The following NAALADL2 variants were observed in gnomAD, a reference collection of about 807,000 sequenced individuals.
NAALADL2 encodes inactive N-acetylated-alpha-linked acidic dipeptidase-like protein 2.
A neutral mutation model predicts 87.2 loss-of-function variants in NAALADL2; 76 were observed. The observed-to-expected ratio is 0.87, with a 90% confidence interval of 0.72 to 1.05. NAALADL2 has a LOEUF of 1.05. Ranked by LOEUF, NAALADL2 falls within the 50% of genes least tolerant of loss-of-function variation. The probability of loss-of-function intolerance (pLI) is 0.00; values close to 1 mark genes in which losing one functional copy is unlikely to be tolerated. For missense variants in NAALADL2, 1,089 were observed against 945.8 expected (o/e 1.15, Z -1.99); for synonymous variants, 354 against 331.0 (o/e 1.07, Z -0.75).
At chr3:175,403,731 A>C (rs2149067558) in intron 5 of NAALADL2, among the ~76,000 whole-genome samples, 1 of 152,248 alleles carries the variant, frequency 6.6e-6, no homozygotes, top group South Asian at 2.1e-4. Flanking sequence ...AGAGAAGAAT[A>C]ATTTTTAAGG....
chr3:175,718,606 G>A (rs112257318), intron 11 of NAALADL2: 24 of 1,593,818 alleles, frequency 1.5e-5, no homozygotes, highest in African/African-American at 9.4e-5. Context: ...GGCCTTCTTC[G>A]AGTTTTTCCA....
At chr3:174,640,790 G>T (rs1175188570) in intron 2 of NAALADL2, among the ~76,000 whole-genome samples, 3 of 152,226 alleles carry the variant, frequency 2.0e-5, no homozygotes, top group African/African-American at 7.2e-5. Flanking sequence ...GGCATTGCTT[G>T]CTGCTAGGGG....
At chr3:175,106,459 A>G (rs1441797393) in intron 2 of NAALADL2, among the ~76,000 whole-genome samples, 1 of 152,088 alleles carries the variant, frequency 6.6e-6, no homozygotes, top group Non-Finnish European at 1.5e-5. Context: ...ATTGACTATA[A>G]TATGCTTTTC....
At chr3:175,383,444 C>T (rs1271091747) in intron 5 of NAALADL2, among the ~76,000 whole-genome samples, 2 of 151,930 alleles carry the variant, frequency 1.3e-5, no homozygotes, top group African/African-American at 2.4e-5. Flanking sequence ...CATTCAAAGC[C>T]TACTCCTTAA....
chr3:174,833,078 T>C (rs1722918661), intron 3 of NAALADL2, among the ~76,000 whole-genome samples: 1 of 152,204 alleles, frequency 6.6e-6, no homozygotes, highest in African/African-American at 2.4e-5. Context: ...TAGTATTAAC[T>C]TTTAAATACT....
At chr3:174,611,107 A>T (rs610482) in intron 2 of NAALADL2, among the ~76,000 whole-genome samples, 98,764 of 149,532 alleles carry the variant, frequency 0.66, 33,656 homozygotes, top group East Asian at 0.87. Flanking sequence ...TAGGTGGGAA[A>T]TGAACAGTGA....
chr3:174,651,967 A>G (rs967116787), intron 2 of NAALADL2, among the ~76,000 whole-genome samples: 5 of 152,198 alleles, frequency 3.3e-5, no homozygotes, highest in Non-Finnish European at 7.3e-5. Flanking sequence ...CCAGCACACT[A>G]GAAGCTTGTC....
chr3:175,152,048 G>GT (rs1192855195), intron 2 of NAALADL2, among the ~76,000 whole-genome samples: 1 of 152,102 alleles, frequency 6.6e-6, no homozygotes, highest in Non-Finnish European at 1.5e-5. Context: ...TTTAATAGCT[G>GT]TTATCAACTG....
intron 9 of NAALADL2, among the ~76,000 whole-genome samples, chr3:175,477,398 A>G (rs910373106): frequency 2.0e-5 from 3 of 152,248 alleles, no homozygotes; most frequent in African/African-American, 7.2e-5. Flanking sequence ...TAGCATATTA[A>G]TTTCCCAAAG....
At chr3:175,755,535 G>T (rs1043360564) in intron 13 of NAALADL2, 117 bp downstream of exon 13, 1 of 692,094 alleles carries the variant, frequency 1.4e-6, no homozygotes, top group Non-Finnish European at 2.1e-6. Flanking sequence ...TTATAAAGCA[G>T]TTACTCATTT....
intron 1 of NAALADL2, among the ~76,000 whole-genome samples, chr3:174,498,897 A>G (rs1253495363): frequency 6.6e-6 from 1 of 151,968 alleles, no homozygotes; most frequent in Non-Finnish European, 1.5e-5. Context: ...GTCCACCCTT[A>G]TCCTCACTTT....
chr3:174,980,232 CAG>C (rs1744934152), intron 1 of NAALADL2, among the ~76,000 whole-genome samples: 1 of 152,168 alleles, frequency 6.6e-6, no homozygotes, highest in Admixed American at 6.5e-5. Context: ...TTTTTGAAGG[CAG>C]AGACTATTTT....
At chr3:175,477,876 T>C (rs1159315363) in intron 9 of NAALADL2, among the ~76,000 whole-genome samples, 1 of 152,086 alleles carries the variant, frequency 6.6e-6, no homozygotes, top group Non-Finnish European at 1.5e-5. Flanking sequence ...ACTCTTTTTT[T>C]GGTTACTTGC....
chr3:175,424,101 G>T lies in NAALADL2; in HGVS notation c.1091-23128G>T, dbSNP rs1463267495. Among the ~76,000 whole-genome samples the T allele has an allele frequency of 2.1e-4, 32 of 152,170 alleles. No homozygotes were observed. In the East Asian group the frequency reaches 4.4e-3, roughly 21 times the overall value. The stretch of plus-strand genomic sequence containing the variant: ...GTCTGTTCATATCCTTCGCCCACTT[G>T]TTGATGGGGTTGTTTGATTTTTTTC... On this transcript the variant is annotated intron_variant, in intron 5 of 13. Coordinates refer to ENST00000454872, the MANE Select transcript of NAALADL2 (RefSeq NM_207015.3).
chr3:174,663,321 A>G (rs988535815), intron 2 of NAALADL2, among the ~76,000 whole-genome samples: 1 of 152,198 alleles, frequency 6.6e-6, no homozygotes, highest in African/African-American at 2.4e-5. Flanking sequence ...TATGAAAATA[A>G]TAATAATTGT....
chr3:175,690,238 C>T (rs911172750), intron 11 of NAALADL2, among the ~76,000 whole-genome samples: 1 of 151,904 alleles, frequency 6.6e-6, no homozygotes, highest in African/African-American at 2.4e-5. Context: ...GAAACACATA[C>T]AGAGCAGGAC....
intron 1 of NAALADL2, among the ~76,000 whole-genome samples, chr3:175,051,743 T>C (rs1037105824): frequency 2.0e-5 from 3 of 152,338 alleles, no homozygotes; most frequent in Non-Finnish European, 4.4e-5. Context: ...TGGGAGTCAC[T>C]GTAGGGTCTG....
In NAALADL2 at chr3:175,171,588, C is replaced by G. The variant is rs114924765; in HGVS notation, c.546-62343C>G. Among the ~76,000 whole-genome samples the G allele has an allele frequency of 4.6e-5, 7 of 152,054 alleles. No homozygotes were observed. The South Asian group carries it at 1.5e-3, about 32-fold the overall frequency. On this transcript the variant is annotated intron_variant, in intron 2 of 13. Transcript: ENST00000454872. ...TTCTTCTAAGAAACATGTATTGAAA[C>G]TCCTCTGTCTAGCTACTGTGTTGCA...
intron 4 of NAALADL2, among the ~76,000 whole-genome samples, chr3:175,274,258 A>C (rs1227572951): frequency 6.6e-6 from 1 of 152,136 alleles, no homozygotes; most frequent in Non-Finnish European, 1.5e-5. Flanking sequence ...ATTCATTATC[A>C]TGAGAACAGC....
Sources: gnomAD v4.1 joint callset for allele counts (sites outside exome capture counted in the v4.1 genomes callset) on GRCh38, gnomAD v4.1.1 for gene constraint, MANE v1.5 for transcripts, NCBI Gene and HGNC (gene_info 2026-07-23, HGNC 2026-07-21) for gene names.